The following DPP6 variants were observed in gnomAD, a reference collection of about 807,000 sequenced individuals.
DPP6 encodes A-type potassium channel modulatory protein DPP6.
DPP6 carries 69 observed loss-of-function variants against 122.6 expected under a neutral mutation model. The observed-to-expected ratio is 0.56, with a 90% CI of 0.46 to 0.69. The LOEUF (loss-of-function observed/expected upper bound fraction) is 0.69. DPP6 is among the 30% of genes least tolerant of loss of function. The probability of loss-of-function intolerance (pLI) is 0.00; values close to 1 mark genes in which losing one functional copy is unlikely to be tolerated. For missense variants in DPP6, 928 were observed against 1,116.9 expected, an observed-to-expected ratio of 0.83 and a Z score of 2.41; for synonymous variants, 418 against 433.1, an observed-to-expected ratio of 0.97 and a Z score of 0.43.
chr7:153,831,448 G>T, the DPP6 span, among the ~76,000 whole-genome samples: 3 of 152,136 alleles, frequency 2.0e-5, no homozygotes, highest in South Asian at 4.1e-4. Context: ...ACTAAGCTAC[G>T]AAGAGGGACA....
intron 7 of DPP6, among the ~76,000 whole-genome samples, chr7:154,692,750 A>C (rs1297542177): frequency 6.8e-6 from 1 of 147,994 alleles, no homozygotes; most frequent in Non-Finnish European, 1.5e-5. Flanking sequence ...TCTTTTTCAT[A>C]CTTTTATTTG....
intron 16 of DPP6, among the ~76,000 whole-genome samples, chr7:154,829,953 G>A (rs1228151582): frequency 1.3e-5 from 2 of 152,190 alleles, no homozygotes; most frequent in African/African-American, 2.4e-5. Context: ...TTCAAGTCTC[G>A]AGACTGCCTG....
chr7:153,776,245 C>T, the DPP6 span, among the ~76,000 whole-genome samples: 1 of 152,156 alleles, frequency 6.6e-6, no homozygotes, highest in Non-Finnish European at 1.5e-5. Context: ...ACACCCAAAT[C>T]TCATCTTGAA....
intron 1 of DPP6, among the ~76,000 whole-genome samples, chr7:154,431,584 G>A (rs1818427583): frequency 6.9e-6 from 1 of 145,108 alleles, no homozygotes; most frequent in South Asian, 2.2e-4. Context: ...GCCCAGGCTG[G>A]AGTACAGTGG....
intron 17 of DPP6, among the ~76,000 whole-genome samples, chr7:154,864,408 G>A (rs1483212557): frequency 1.3e-5 from 2 of 152,204 alleles, no homozygotes; most frequent in African/African-American, 4.8e-5. Flanking sequence ...CTGAGTCTCT[G>A]CGGTCTCACT....
At position 154,892,749 on chromosome 7, in the gene DPP6, C is replaced by A; in HGVS notation, c.*269C>A. 2 of 690,178 alleles carry A rather than the reference C, an allele frequency of 2.9e-6. No individual in the cohort carries two copies. The highest frequency in any genetic ancestry group is 5.2e-6 in the Non-Finnish European group (2 of 382,340). 42.8% of individuals were successfully genotyped at this position (690,178 alleles called of 1,614,324 possible). On this transcript the variant is annotated 3_prime_UTR_variant, in exon 26 of 26. Transcript: ENST00000377770. ...GCCCGAGAGACCGGCACGCCACGGCCCCTCCCCCAAGGAACAGAGCAAAGG... is the reference window on the plus strand; with the variant it reads ...GCCCGAGAGACCGGCACGCCACGGCACCTCCCCCAAGGAACAGAGCAAAGG...
chr7:154,369,965 C>CATTTGTTT (rs1554529267), intron 1 of DPP6, among the ~76,000 whole-genome samples: 1 of 145,848 alleles, frequency 6.9e-6, no homozygotes, highest in Non-Finnish European at 1.5e-5. Flanking sequence ...CAGATATATG[C>CATTTGTTT]ATTTATTTAT....
chr7:154,084,585 G>GA (rs1468039199), intron 1 of DPP6, among the ~76,000 whole-genome samples: 1 of 83,308 alleles, frequency 1.2e-5, no homozygotes. Context: ...GATCTAGCTT[G>GA]AAAAAAATAC....
At chr7:154,867,633 T>C (rs767316282) in intron 17 of DPP6, among the ~76,000 whole-genome samples, 2 of 152,196 alleles carry the variant, frequency 1.3e-5, no homozygotes, top group Non-Finnish European at 2.9e-5. Flanking sequence ...TGGAAAACCA[T>C]TTGTCCTAAC....
At position 154,113,924 on chromosome 7, in the gene DPP6, C is replaced by T. The variant is rs147739161; in HGVS notation, c.243+60861C>T. ...TTTAAGATCAGGAACAAGACAAGGA[C>T]GCCCACAGTCACTGCTTCTATTCAG... On this transcript the variant is annotated intron_variant, in intron 1 of 25. Coordinates refer to ENST00000377770, the MANE Select transcript of DPP6 (RefSeq NM_130797.4). 9.5e-4 allele frequency among the ~76,000 whole-genome samples: 145 copies of T among 152,284 alleles called. 2 individuals are homozygous for T. The East Asian group carries it at 0.025, about 26-fold the overall frequency.
Position 154,892,618 on chromosome 7 carries a change from G to A in DPP6, c.*138G>A, listed in dbSNP as rs1319372841. The A allele has an allele frequency of 3.3e-6, 5 of 1,509,380 alleles. No homozygotes were observed. Among genetic ancestry groups the A allele is most frequent in the African/African-American group, 1.4e-5 (1 of 72,846 alleles). 93.5% of individuals were successfully genotyped at this position (1,509,380 alleles called of 1,614,324 possible). ...TCCATAGCATGTGTGTCTCGGATGC[G>A]GAAGGCAGTTTTGCTTGGGAAACAA... is the stretch of plus-strand genomic sequence containing the variant. On this transcript the variant is annotated 3_prime_UTR_variant, in exon 26 of 26. Coordinates refer to ENST00000377770, the MANE Select transcript of DPP6 (RefSeq NM_130797.4).
chr7:154,051,439 G>A (rs941940533), upstream of DPP6, among the ~76,000 whole-genome samples: 25 of 151,302 alleles, frequency 1.7e-4, no homozygotes, highest in East Asian at 6.0e-4. Context: ...CGGGGAGGAC[G>A]CGGGAGGGCC....
chr7:154,032,871 C>T (rs1289024722), intron 1 of DPP6, among the ~76,000 whole-genome samples: 1 of 148,834 alleles, frequency 6.7e-6, no homozygotes, highest in African/African-American at 2.5e-5. Context: ...CCCCCCCTAC[C>T]CCCTTGTTGT....
chr7:153,935,453 C>T (rs1479324143), intron 1 of DPP6, among the ~76,000 whole-genome samples: 8 of 152,168 alleles, frequency 5.3e-5, no homozygotes, highest in Admixed American at 4.6e-4. Context: ...AGGCTTCTCT[C>T]CCTAACCTGC....
chr7:154,679,089 G>A (rs1324486568), intron 7 of DPP6, among the ~76,000 whole-genome samples: 3 of 152,162 alleles, frequency 2.0e-5, no homozygotes, highest in African/African-American at 4.8e-5. Flanking sequence ...GCAGAGAAAC[G>A]CAGGATAGAG....
At chr7:153,866,286 C>A in the DPP6 span, among the ~76,000 whole-genome samples, 1 of 152,130 alleles carries the variant, frequency 6.6e-6, no homozygotes, top group Non-Finnish European at 1.5e-5. Flanking sequence ...AAAAGTGTTC[C>A]TATTTCTCTA....
rs1803559908 is a variant in DPP6 at position 154,863,146 on chromosome 7, C to T, written c.1715-4849C>T. On this transcript the variant is annotated intron_variant, in intron 17 of 25. Transcript: ENST00000377770. The surrounding 1 kb of genome is among the most constrained non-coding windows in gnomAD (Gnocchi z 4.1). ...CGGACTCCTGGACTCAAGTGATCCT[C>T]CTCCCTTGGCCTCCCAAAGCATTGG... is the stretch of plus-strand genomic sequence containing the variant. Among the ~76,000 whole-genome samples, 1 of 152,164 alleles carries T rather than the reference C, an allele frequency of 6.6e-6. No individual in the cohort carries two copies. The highest frequency in any genetic ancestry group is 1.5e-5 in the Non-Finnish European group (1 of 68,030).
chr7:153,947,960 A>G (rs1184156580), intron 1 of DPP6, among the ~76,000 whole-genome samples: 1 of 152,130 alleles, frequency 6.6e-6, no homozygotes, highest in African/African-American at 2.4e-5. Flanking sequence ...TGTGTCCTGA[A>G]TCACACCAGC....
intron 4 of DPP6, among the ~76,000 whole-genome samples, chr7:154,564,594 C>T (rs1201907603): frequency 6.6e-6 from 1 of 152,140 alleles, no homozygotes; most frequent in African/African-American, 2.4e-5. Flanking sequence ...CTATTCTATA[C>T]AAAAATGTGA....
Sources: allele counts gnomAD v4.1 joint callset (sites outside exome capture counted in the v4.1 genomes callset), GRCh38; gene constraint gnomAD v4.1.1; non-coding constraint Gnocchi (gnomAD v3.1); transcripts MANE v1.5; gene names NCBI Gene and HGNC (gene_info 2026-07-23, HGNC 2026-07-21).